The following RDH12 variants were observed in gnomAD, a reference collection of about 807,000 sequenced individuals.
RDH12 encodes the protein retinol dehydrogenase 12.
Under a neutral mutation model 34.0 loss-of-function variants are expected in RDH12, and 21 were observed. The observed-to-expected ratio is 0.62, with a 90% CI of 0.44 to 0.89. The LOEUF is 0.89. Ranked by LOEUF, RDH12 falls within the 40% of genes least tolerant of loss-of-function variation. The pLI is 0.00. For missense variants in RDH12, 394 were observed against 398.6 expected, an observed-to-expected ratio of 0.99 and a Z score of 0.10; for synonymous variants, 198 against 169.9, an observed-to-expected ratio of 1.17 and a Z score of -1.29.
intron 3 of RDH12, among the ~76,000 whole-genome samples, chr14:67,724,147 A>T (rs1398641697): frequency 6.6e-6 from 1 of 152,222 alleles, no homozygotes; most frequent in Non-Finnish European, 1.5e-5. Flanking sequence ...TTTCCTCTGG[A>T]ACCTCTAGAG....
At chr14:67,710,010 G>A (rs762872312) in intron 1 of RDH12, among the ~76,000 whole-genome samples, 50 of 152,144 alleles carry the variant, frequency 3.3e-4, no homozygotes, top group East Asian at 7.7e-4. Flanking sequence ...GAATGTAACC[G>A]TTTGTTTACT....
intron 8 of RDH12, among the ~76,000 whole-genome samples, chr14:67,733,131 AT>A (rs1185691334): frequency 8.6e-5 from 9 of 104,626 alleles, no homozygotes; most frequent in Admixed American, 2.8e-4. Context: ...TAATAATAAA[AT>A]TAAAAAAAAC....
At chr14:67,709,911 C>T (rs1278393282) in intron 1 of RDH12, among the ~76,000 whole-genome samples, 1 of 152,180 alleles carries the variant, frequency 6.6e-6, no homozygotes, top group Non-Finnish European at 1.5e-5. Context: ...GCAAACCTGC[C>T]TTCCATTCTA....
intron 1 of RDH12, among the ~76,000 whole-genome samples, chr14:67,712,493 C>CAAAAAAAA (rs79758974): frequency 2.5e-3 from 97 of 38,894 alleles, no homozygotes; most frequent in East Asian, 8.2e-3. Flanking sequence ...AAAAAACTTG[C>CAAAAAAAA]AAAAAAAAAA....
intron 7 of RDH12, chr14:67,727,485 GT>G (rs762341739): frequency 0.021 from 5,241 of 253,024 alleles, 1 homozygote; most frequent in South Asian, 0.038. Flanking sequence ...TGTTTTTTTT[GT>G]TTTTTTTTTT....
chr14:67,726,285 A>T, intron 6 of RDH12, 130 bp downstream of exon 6: 1 of 723,044 alleles, frequency 1.4e-6, no homozygotes, highest in Admixed American at 2.0e-5. Flanking sequence ...GACTAGACCC[A>T]TTGGCTTGTT....
At chr14:67,729,777 C>T (rs374550894) in intron 8 of RDH12, 6 of 501,984 alleles carry the variant, frequency 1.2e-5, no homozygotes, top group East Asian at 5.5e-5. Flanking sequence ...CCTCTCTCTT[C>T]GGTGTGAACT....
At chr14:67,712,493 C>CAAAAAAAAAAAAAAAAAA (rs79758974) in intron 1 of RDH12, among the ~76,000 whole-genome samples, 7 of 38,924 alleles carry the variant, frequency 1.8e-4, no homozygotes, top group Non-Finnish European at 3.0e-4. Flanking sequence ...AAAAAACTTG[C>CAAAAAAAAAAAAAAAAAA]AAAAAAAAAA....
intron 3 of RDH12, among the ~76,000 whole-genome samples, chr14:67,724,191 A>G (rs1325435212): frequency 1.2e-4 from 19 of 152,220 alleles, no homozygotes; most frequent in Admixed American, 1.2e-3. Context: ...TCTAACAAGG[A>G]AAGTCTCCAT....
At chr14:67,716,474 C>T (rs549874999) in intron 1 of RDH12, among the ~76,000 whole-genome samples, 5 of 152,282 alleles carry the variant, frequency 3.3e-5, no homozygotes, top group South Asian at 2.1e-4. Flanking sequence ...TGAAATGTTA[C>T]GCTTCTTGAT....
intron 7 of RDH12, among the ~76,000 whole-genome samples, chr14:67,728,553 G>A (rs924118877): frequency 6.6e-6 from 1 of 152,088 alleles, no homozygotes; most frequent in South Asian, 2.1e-4. Context: ...CTGTGACTTA[G>A]TTTTCTTTGT....
chr14:67,712,198 G>C (rs1165597019), intron 1 of RDH12, among the ~76,000 whole-genome samples: 1 of 152,090 alleles, frequency 6.6e-6, no homozygotes, highest in Non-Finnish European at 1.5e-5. Context: ...GGGATTACAG[G>C]CGTGAACCAC....
At chr14:67,713,256 A>G (rs1041772058) in intron 1 of RDH12, among the ~76,000 whole-genome samples, 1 of 147,936 alleles carries the variant, frequency 6.8e-6, no homozygotes, top group African/African-American at 2.5e-5. Context: ...AAACAAACAA[A>G]CAAACAAACA....
chr14:67,722,321 G>T, intron 2 of RDH12, 103 bp from the exon 3 acceptor site: 1 of 449,552 alleles, frequency 2.2e-6, no homozygotes, highest in Non-Finnish European at 4.1e-6. Flanking sequence ...AGAAACAATT[G>T]AGGATGGGGG....
chr14:67,705,528 A>G (rs2037941521), intron 1 of RDH12, among the ~76,000 whole-genome samples: 1 of 152,244 alleles, frequency 6.6e-6, no homozygotes, highest in Non-Finnish European at 1.5e-5. Flanking sequence ...AGGTTATCAC[A>G]ACTAAATGCA....
chr14:67,705,508 C>A (rs980887523), intron 1 of RDH12, among the ~76,000 whole-genome samples: 1 of 152,190 alleles, frequency 6.6e-6, no homozygotes, highest in South Asian at 2.1e-4. Flanking sequence ...GACTGCCAAA[C>A]GTGACCTGTA....
Position 67,702,437 on chromosome 14 carries a change from A to G in RDH12, c.-275+502A>G, listed in dbSNP as rs77198026. ...ACAATATTAAATTAGTCTTACTTAT[A>G]AAAAAAATCACACAAAGATTATTTT... On this transcript the variant is annotated intron_variant, in intron 1 of 8. Coordinates refer to ENST00000551171, the MANE Select transcript of RDH12 (RefSeq NM_152443.3). Among the ~76,000 whole-genome samples the G allele has an allele frequency of 3.3e-3, 493 of 150,934 alleles. 4 individuals are homozygous for G. Among genetic ancestry groups the G allele is most frequent in the African/African-American group, 0.011 (461 of 40,470 alleles).
At chr14:67,723,231 G>A (rs952956713) in intron 3 of RDH12, among the ~76,000 whole-genome samples, 1 of 152,132 alleles carries the variant, frequency 6.6e-6, no homozygotes, top group African/African-American at 2.4e-5. Flanking sequence ...TGTTCTGAGT[G>A]GAGAATTTTT....
At chr14:67,727,486 T>TG in intron 7 of RDH12, 1 of 216,006 alleles carries the variant, frequency 4.6e-6, no homozygotes, top group Non-Finnish European at 9.0e-6. Flanking sequence ...GTTTTTTTTG[T>TG]TTTTTTTTTT....
Sources: gnomAD v4.1 joint callset for allele counts (sites outside exome capture counted in the v4.1 genomes callset) on GRCh38, gnomAD v4.1.1 for gene constraint, MANE v1.5 for transcripts, NCBI Gene and HGNC (gene_info 2026-07-23, HGNC 2026-07-21) for gene names.